The following PRSS57 variants were observed in gnomAD, a reference collection of about 807,000 sequenced individuals.
PRSS57 encodes the protein neutrophil serine protease 4.
In PRSS57, 19 loss-of-function variants were observed where a neutral mutation model predicts 20.6. That is an observed-to-expected ratio of 0.92 (90% CI 0.64 to 1.35). PRSS57 has a LOEUF of 1.35. Ranked by LOEUF, PRSS57 falls within the 40% of genes most tolerant of loss-of-function variation. The pLI, the probability that PRSS57 is intolerant of heterozygous loss-of-function variation, is 0.00. For synonymous variants in PRSS57, 203 were observed against 176.6 expected, an observed-to-expected ratio of 1.15 and a Z score of -1.19; for missense variants, 440 against 403.7, an observed-to-expected ratio of 1.09 and a Z score of -0.77.
chr19:694,819 G>A lies in PRSS57; in HGVS notation c.228C>T (p.Ser76=), dbSNP rs761720758. The A allele has an allele frequency of 6.8e-6, 11 of 1,607,126 alleles. No homozygotes were observed. In the East Asian group the frequency reaches 2.3e-4, roughly 33 times the overall value. The change falls in exon 2 of 5, where the codon AGC becomes AGT. Residue 76 remains serine, a synonymous_variant. Coordinates refer to ENST00000329267, the MANE Select transcript of PRSS57 (RefSeq NM_001308209.2). ...GGCCCGACAGGTGAGCTCACCTGTG[G>A]CTGAAGCAGTGGGCGGCCGAGACCA... The part of the protein sequence containing the change: ...RWVVSAAHCF[S]HRDLRTGLVV...
At chr19:690,039 T>C (rs11085170) in intron 3 of PRSS57, among the ~76,000 whole-genome samples, 42,145 of 148,202 alleles carry the variant, frequency 0.28, 6,145 homozygotes, top group East Asian at 0.4. Context: ...GGTGCCAAAG[T>C]GAGACTCCGT....
chr19:693,963 A>G (rs1453062537), intron 2 of PRSS57, among the ~76,000 whole-genome samples: 1 of 151,966 alleles, frequency 6.6e-6, no homozygotes, highest in East Asian at 1.9e-4. Context: ...GATGGTCTCG[A>G]TCTCCTGACC....
chr19:686,494 G>A (rs942113605), intron 4 of PRSS57, among the ~76,000 whole-genome samples: 1 of 152,090 alleles, frequency 6.6e-6, no homozygotes, highest in Non-Finnish European at 1.5e-5. Context: ...CACGCATCGG[G>A]AAAGTGGACA....
intron 1 of PRSS57, among the ~76,000 whole-genome samples, 159 bp from the exon 2 acceptor site, chr19:695,126 C>T (rs953761530): frequency 6.6e-6 from 1 of 152,114 alleles, no homozygotes; most frequent in Non-Finnish European, 1.5e-5. Flanking sequence ...GACAAGCCCC[C>T]CAGATGCGCT....
At chr19:691,785 C>T in intron 3 of PRSS57, 73 bp downstream of exon 3, 1 of 1,279,088 alleles carries the variant, frequency 7.8e-7, no homozygotes, top group Non-Finnish European at 1.0e-6. Context: ...CGCCATTGCC[C>T]TCCAGCCCGA....
intron 3 of PRSS57, chr19:690,946 C>A: frequency 2.1e-6 from 1 of 476,918 alleles, no homozygotes; most frequent in South Asian, 1.8e-5. Context: ...CAAGAAGCTG[C>A]TCATGATGGC....
At chr19:687,760 C>G (rs116269049) in intron 3 of PRSS57, among the ~76,000 whole-genome samples, 1 of 152,088 alleles carries the variant, frequency 6.6e-6, no homozygotes, top group Non-Finnish European at 1.5e-5. Context: ...CCCACGGCTC[C>G]CGATTGCCCT....
chr19:688,891 G>T (rs767803341), intron 3 of PRSS57, among the ~76,000 whole-genome samples: 1 of 152,104 alleles, frequency 6.6e-6, no homozygotes, highest in Non-Finnish European at 1.5e-5. Context: ...GAGCCACCAC[G>T]CCCGGCCCCA....
At position 694,864 on chromosome 19, in the gene PRSS57, G is replaced by T. The variant is rs1320040897; in HGVS notation, c.183C>A (p.Phe61Leu). Residue 61 changes from phenylalanine to leucine, a missense_variant, in exon 2 of 5, where the codon TTC (phenylalanine) becomes TTA (leucine). Phe to Leu is a conservative substitution (Grantham distance 22, BLOSUM62 0). Coordinates refer to ENST00000329267, the MANE Select transcript of PRSS57 (RefSeq NM_001308209.2). ...AGACCACCCAGCGGGCTCGCAGCAG[G>T]AAGCCTCCGCAGTGATGTTGGCCCC... ...RFGGQHHCGG[F>L]LLRARWVVSA... 1 of 1,606,830 alleles carries T rather than the reference G, an allele frequency of 6.2e-7. No homozygotes were observed. The highest frequency in any genetic ancestry group is 1.3e-5 in the African/African-American group (1 of 74,740).
Position 695,378 on chromosome 19 carries a change from G to A in PRSS57, c.53C>T (p.Ala18Val), listed in dbSNP as rs773821494. 9.4e-6 allele frequency: 12 copies of A among 1,282,780 alleles called. No individual in the cohort carries two copies. Among genetic ancestry groups the A allele is most frequent in the Non-Finnish European group, 9.9e-6 (10 of 1,009,938 alleles). The allele number at this position is 1,282,780 out of a possible 1,614,324, so 79.5% of individuals were successfully genotyped here. ...WGRPLLTVATALMLPVKPPGS... is the reference protein window; with the variant it reads ...WGRPLLTVATVLMLPVKPPGS... ...GGGGGGCTTCACGGGCAGCATCAGGGCGGTGGCCACAGTCAGCAGAGGACG... is the reference window on the plus strand; with the variant it reads ...GGGGGGCTTCACGGGCAGCATCAGGACGGTGGCCACAGTCAGCAGAGGACG... The change falls in exon 1 of 5, where the codon GCC (alanine) becomes GTC (valine). Residue 18 changes from alanine (A) to valine (V), a missense_variant. Ala to Val is a moderately conservative substitution (Grantham distance 64). Transcript: ENST00000329267.
At chr19:687,692 G>A (rs1355489455) in intron 3 of PRSS57, among the ~76,000 whole-genome samples, 2 of 152,138 alleles carry the variant, frequency 1.3e-5, no homozygotes, top group Middle Eastern at 3.4e-3. Context: ...AGAGTGAGCC[G>A]CCGCGCCCAG....
rs139839693 is a variant in PRSS57, at chr19:694,799, G to A, written c.233+15C>T. The A allele has an allele frequency of 5.7e-5, 91 of 1,600,216 alleles. No homozygotes were observed. The highest frequency in any genetic ancestry group is 3.5e-4 in the African/African-American group (26 of 74,356). ...TACGGTGTCCAGAAAGAAGGGGCCC[G>A]ACAGGTGAGCTCACCTGTGGCTGAA... On this transcript the variant is annotated intron_variant, in intron 2 of 4. Transcript: ENST00000329267.
At chr19:693,747 A>AT (rs888416971) in intron 2 of PRSS57, among the ~76,000 whole-genome samples, 44 of 138,694 alleles carry the variant, frequency 3.2e-4, no homozygotes, top group Middle Eastern at 3.9e-3. Context: ...TAATTTTCGT[A>AT]TTTTTTTTTT....
chr19:694,001 A>G lies in PRSS57; in HGVS notation c.233+813T>C, dbSNP rs2031720870. Among the ~76,000 whole-genome samples, 3 of 152,060 alleles carry G rather than the reference A, an allele frequency of 2.0e-5. 1 individual carries two copies. In the South Asian group the frequency reaches 6.2e-4, roughly 32 times the overall value. ...GTGATCCTCCTGCCTCGGCCTCCCA[A>G]AGTGCTGGGATTACAGGCATGAGCC... On this transcript the variant is annotated intron_variant, in intron 2 of 4. Coordinates refer to ENST00000329267, the MANE Select transcript of PRSS57 (RefSeq NM_001308209.2).
In PRSS57 at chr19:685,595, G is replaced by T; in HGVS notation, c.*121C>A. The T allele has an allele frequency of 1.1e-6, 1 of 920,126 alleles. No homozygotes were observed. Among genetic ancestry groups the T allele is most frequent in the Non-Finnish European group, 1.6e-6 (1 of 625,568 alleles). The allele number at this position is 920,126 out of a possible 1,614,324, so 57.0% of individuals were successfully genotyped here. A position where few individuals can be genotyped will look rare whatever the true frequency, so the allele number is the denominator to read the frequency against. ...GCTTCTGCCCTTTGCATGTGGAATG[G>T]GTGTGCCCCACCGCTGCCCGTCCCA... is the stretch of plus-strand genomic sequence containing the variant. On this transcript the variant is annotated 3_prime_UTR_variant, in exon 5 of 5. Coordinates refer to ENST00000329267, the MANE Select transcript of PRSS57 (RefSeq NM_001308209.2).
chr19:689,923 G>C (rs1599116432), intron 3 of PRSS57, among the ~76,000 whole-genome samples: 2 of 151,952 alleles, frequency 1.3e-5, no homozygotes, highest in East Asian at 1.9e-4. Context: ...TGTGGTGGTG[G>C]GTGCCTGTGA....
intron 4 of PRSS57, 70 bp downstream of exon 4, chr19:686,855 G>GTT: frequency 6.5e-7 from 1 of 1,538,866 alleles, no homozygotes; most frequent in Admixed American, 1.9e-5. Context: ...GGCCCTTCCT[G>GTT]GCCCTGACCC....
rs1171032187 is a variant in PRSS57, at chr19:693,229, C to CTTTTTTTTTTTTT, written c.234-1228_234-1227insAAAAAAAAAAAAA. On this transcript the variant is annotated intron_variant, in intron 2 of 4. Transcript: ENST00000329267. Reference sequence around the variant, plus strand: ...TACAGGCGTGAGCCACCGCACCCGGCCTTTTTTTTTTTTTTTTTTTTGAGA... The same window carrying CTTTTTTTTTTTTT: ...TACAGGCGTGAGCCACCGCACCCGGCTTTTTTTTTTTTTCTTTTTTTTTTTTTTTTTTTTGAGA... Among the ~76,000 whole-genome samples, 3 of 109,128 alleles carry CTTTTTTTTTTTTT rather than the reference C, an allele frequency of 2.7e-5. 1 individual carries two copies. Among genetic ancestry groups the CTTTTTTTTTTTTT allele is most frequent in the Admixed American group, 1.0e-4 (1 of 9,806 alleles). 71.6% of individuals were successfully genotyped at this position (109,128 alleles called of 152,430 possible). A position where few individuals can be genotyped will look rare whatever the true frequency, so the allele number is the denominator to read the frequency against.
intron 2 of PRSS57, among the ~76,000 whole-genome samples, chr19:692,621 T>G (rs2031680110): frequency 6.6e-6 from 1 of 151,776 alleles, no homozygotes; most frequent in Non-Finnish European, 1.5e-5. Flanking sequence ...TTCACCATGT[T>G]GGCCAGGCTG....
Sources: allele counts gnomAD v4.1 joint callset (sites outside exome capture counted in the v4.1 genomes callset), GRCh38; gene constraint gnomAD v4.1.1; transcripts MANE v1.5; gene names NCBI Gene and HGNC (gene_info 2026-07-23, HGNC 2026-07-21).